SUMF1: variants seen among roughly 807,000 people sequenced by gnomAD.
The protein encoded by SUMF1 is formylglycine-generating enzyme.
In SUMF1, 48 loss-of-function variants were observed where a neutral mutation model predicts 47.6. That is an observed-to-expected ratio of 1.01 (90% CI 0.80 to 1.28). SUMF1 has a LOEUF of 1.28. SUMF1 is among the 50% of genes most tolerant of loss of function. SUMF1 has a pLI of 0.00. For missense variants in SUMF1, 571 were observed against 485.4 expected, an observed-to-expected ratio of 1.18 and a Z score of -1.66; for synonymous variants, 230 against 192.1, an observed-to-expected ratio of 1.20 and a Z score of -1.63.
At chr3:4,066,045 C>T (rs795731) in intron 9 of SUMF1, among the ~76,000 whole-genome samples, 130,370 of 152,018 alleles carry the variant, frequency 0.86, 56,108 homozygotes, top group East Asian at 1. Flanking sequence ...ATCCCACTGA[C>T]GAAACCCAAC....
intron 8 of SUMF1, among the ~76,000 whole-genome samples, chr3:4,123,195 C>G (rs1693582672): frequency 6.6e-6 from 1 of 152,002 alleles, no homozygotes; most frequent in South Asian, 2.1e-4. Context: ...ATGCAATGGT[C>G]AAGGAAGCAT....
At chr3:4,274,842 C>G (rs1419269625) in intron 8 of SUMF1, among the ~76,000 whole-genome samples, 1 of 152,196 alleles carries the variant, frequency 6.6e-6, no homozygotes, top group East Asian at 1.9e-4. Flanking sequence ...AGGTTGAATT[C>G]TGCAGAAGCA....
At chr3:4,190,884 A>T (rs1385470075) in intron 8 of SUMF1, among the ~76,000 whole-genome samples, 1 of 152,128 alleles carries the variant, frequency 6.6e-6, no homozygotes, top group Admixed American at 6.5e-5. Flanking sequence ...TCCCCACTAT[A>T]ATCGGGGTGC....
rs571961135 is a variant in SUMF1 at position 4,128,848 on chromosome 3, G to C, written c.1015-60103C>G. ...GAATGTATTAATTTGGGCCCACTAA[G>C]TAGGGACTCTGCATTTAATGTTCCA... On this transcript the variant is annotated intron_variant and NMD_transcript_variant, in intron 8 of 12. Transcript: ENST00000448413. Among the ~76,000 whole-genome samples the C allele has an allele frequency of 2.0e-5, 3 of 152,212 alleles. No individual in the cohort carries two copies. In the South Asian group the frequency reaches 6.2e-4, roughly 32 times the overall value.
intron 8 of SUMF1, among the ~76,000 whole-genome samples, chr3:4,164,598 T>C (rs1025280710): frequency 1.3e-5 from 2 of 152,178 alleles, no homozygotes; most frequent in East Asian, 3.9e-4. Flanking sequence ...CCTGCTCCAT[T>C]TTCTGTCCTC....
chr3:4,149,479 T>C (rs1169733942), intron 8 of SUMF1, among the ~76,000 whole-genome samples: 3 of 152,142 alleles, frequency 2.0e-5, no homozygotes, highest in African/African-American at 7.2e-5. Context: ...CATCCCCACA[T>C]GGTCACTGAG....
At chr3:4,136,226 T>C (rs1435008569) in intron 8 of SUMF1, among the ~76,000 whole-genome samples, 1 of 152,118 alleles carries the variant, frequency 6.6e-6, no homozygotes, top group Non-Finnish European at 1.5e-5. Flanking sequence ...CTTCATACTA[T>C]ACTACAAGGC....
At chr3:4,111,501 C>T (rs775052114) in intron 8 of SUMF1, among the ~76,000 whole-genome samples, 4 of 151,908 alleles carry the variant, frequency 2.6e-5, no homozygotes, top group Non-Finnish European at 4.4e-5. Flanking sequence ...GGGTGGATCA[C>T]GAGGTCAAGA....
chr3:4,199,293 T>C (rs556924909), intron 8 of SUMF1, among the ~76,000 whole-genome samples: 2 of 152,178 alleles, frequency 1.3e-5, no homozygotes, highest in Non-Finnish European at 2.9e-5. Flanking sequence ...AGTTCATTCA[T>C]GTTGTTACAT....
intron 8 of SUMF1, among the ~76,000 whole-genome samples, chr3:4,226,996 G>T (rs1488763824): frequency 2.0e-5 from 3 of 152,080 alleles, no homozygotes; most frequent in Admixed American, 2.0e-4. Context: ...GGCATGGGGT[G>T]GAACTTGGGA....
intron 8 of SUMF1, among the ~76,000 whole-genome samples, chr3:4,265,684 G>T (rs1461410060): frequency 2.6e-5 from 4 of 152,156 alleles, no homozygotes; most frequent in Non-Finnish European, 5.9e-5. Context: ...TGGGTTGCCT[G>T]TTCACTCTGA....
intron 1 of SUMF1, among the ~76,000 whole-genome samples, chr3:4,463,738 T>C (rs1028266005): frequency 6.6e-6 from 1 of 152,220 alleles, no homozygotes; most frequent in Non-Finnish European, 1.5e-5. Context: ...TGTACAGACA[T>C]GCCACCTACA....
At chr3:4,111,078 T>A (rs1448584009) in intron 8 of SUMF1, among the ~76,000 whole-genome samples, 1 of 151,842 alleles carries the variant, frequency 6.6e-6, no homozygotes, top group Non-Finnish European at 1.5e-5. Context: ...GCATTTTTTT[T>A]AATGAAATGA....
intron 7 of SUMF1, among the ~76,000 whole-genome samples, chr3:4,389,435 T>C (rs1700782808): frequency 6.6e-6 from 1 of 152,156 alleles, no homozygotes; most frequent in Non-Finnish European, 1.5e-5. Context: ...TGTCTTCTTG[T>C]AGATTTCTTC....
At chr3:4,202,150 G>C (rs1695553837) in intron 8 of SUMF1, among the ~76,000 whole-genome samples, 2 of 151,988 alleles carry the variant, frequency 1.3e-5, no homozygotes, top group African/African-American at 4.8e-5. Flanking sequence ...CTCCATGCTT[G>C]TGGGATATTA....
intron 8 of SUMF1, among the ~76,000 whole-genome samples, chr3:4,303,011 C>CGCTCGG (rs892695086): frequency 2.6e-5 from 4 of 152,182 alleles, no homozygotes; most frequent in Non-Finnish European, 5.9e-5. Flanking sequence ...TGCGTTTCCC[C>CGCTCGG]GCTCGGTTTA....
intron 8 of SUMF1, among the ~76,000 whole-genome samples, chr3:4,126,660 G>C (rs1217303698): frequency 6.6e-6 from 1 of 152,144 alleles, no homozygotes; most frequent in East Asian, 1.9e-4. Context: ...TTTTCAGGAA[G>C]AACTAAAACT....
At chr3:4,083,134 T>C (rs551214522) in intron 8 of SUMF1, among the ~76,000 whole-genome samples, 2 of 152,292 alleles carry the variant, frequency 1.3e-5, no homozygotes, top group African/African-American at 2.4e-5. Context: ...GATGAAATCC[T>C]GGGCCATCTG....
rs912898294 is a variant in SUMF1, at chr3:4,145,200, A to C, written c.1015-76455T>G. Among the ~76,000 whole-genome samples the C allele has an allele frequency of 2.5e-3, 384 of 151,476 alleles. 4 individuals carry two copies. The highest frequency in any genetic ancestry group is 8.6e-3 in the African/African-American group (355 of 41,378). On this transcript the variant is annotated intron_variant and NMD_transcript_variant, in intron 8 of 12. Transcript: ENST00000448413. ...AGAGTGAAACTCCGTCTAAAAAAAAAAAAAAAAAAAAAAGCCATCTCCTAC... is the reference window on the plus strand; with the variant it reads ...AGAGTGAAACTCCGTCTAAAAAAAACAAAAAAAAAAAAAGCCATCTCCTAC...
Sources: allele counts gnomAD v4.1 joint callset (sites outside exome capture counted in the v4.1 genomes callset), GRCh38; gene constraint gnomAD v4.1.1; transcripts MANE v1.5; gene names NCBI Gene and HGNC (gene_info 2026-07-23, HGNC 2026-07-21).